The following SLC36A4 variants were observed in gnomAD, a reference collection of about 807,000 sequenced individuals.
The protein encoded by SLC36A4 is neutral amino acid uniporter 4.
A neutral mutation model predicts 50.5 loss-of-function variants in SLC36A4; 49 were observed. That is an observed-to-expected ratio of 0.97 (90% CI 0.77 to 1.23). The LOEUF (loss-of-function observed/expected upper bound fraction) is 1.23, where lower values mean the gene tolerates loss of function less well. SLC36A4 is among the 50% of genes most tolerant of loss of function. The pLI, the probability that SLC36A4 is intolerant of heterozygous loss-of-function variation, is 0.00. For missense variants in SLC36A4, 611 were observed against 608.4 expected (o/e 1.00, Z -0.05); for synonymous variants, 207 against 206.5 (o/e 1.00, Z -0.02).
At position 93,154,224 on chromosome 11, in the gene SLC36A4, G is replaced by C; in HGVS notation, c.1091C>G (p.Ser364Ter). Residue 364 changes from serine to a stop codon, truncating the protein, a stop_gained, in exon 10 of 11, where the codon TCA becomes TGA. Transcript: ENST00000326402. LOFTEE classifies it high-confidence loss of function. ...LYSFGIFVTY[S>*]IQFYVPAEII... ...CTCTGCTGGAACATAGAACTGAATT[G>C]AATATGTCACAAAAATGCCAAAGGA... is the stretch of plus-strand genomic sequence containing the variant. 3.3e-6 allele frequency: 5 copies of C among 1,516,778 alleles called. No homozygotes were observed. Among genetic ancestry groups the C allele is most frequent in the Middle Eastern group, 1.7e-4 (1 of 5,754 alleles). The allele number at this position is 1,516,778 out of a possible 1,614,324, so 94.0% of individuals were successfully genotyped here.
chr11:93,156,447 TCTCA>T lies in SLC36A4; in HGVS notation c.1038-2174_1038-2171del, dbSNP rs1232194236. ...TTTTTTCTTTTTTTTTGGGGTGGAG[TCTCA>T]CTCTGTTGCCCAGGCTGGAGTGCAG... On this transcript the variant is annotated intron_variant, in intron 9 of 10. Coordinates refer to ENST00000326402, the MANE Select transcript of SLC36A4 (RefSeq NM_152313.4). 3.3e-5 allele frequency among the ~76,000 whole-genome samples: 5 copies of T among 150,156 alleles called. No homozygotes were observed. The East Asian group carries it at 9.8e-4, about 29-fold the overall frequency.
intron 6 of SLC36A4, among the ~76,000 whole-genome samples, chr11:93,168,791 T>C (rs900097601): frequency 6.6e-6 from 1 of 152,074 alleles, no homozygotes; most frequent in African/African-American, 2.4e-5. Context: ...AGCAAAAACC[T>C]TCACAAGATA....
At chr11:93,180,253 A>G (rs947873738) in intron 6 of SLC36A4, 10 of 984,990 alleles carry the variant, frequency 1.0e-5, no homozygotes, top group African/African-American at 3.5e-5. Context: ...ATTTGTCCAA[A>G]TACACTGTCA....
intron 4 of SLC36A4, 52 bp from the exon 5 acceptor site, chr11:93,181,838 T>C (rs768518498): frequency 2.1e-6 from 3 of 1,429,510 alleles, no homozygotes; most frequent in African/African-American, 2.9e-5. Flanking sequence ...TTTAAGGTGG[T>C]CCATAAAACC....
chr11:93,197,727 C>A (rs750326777), intron 1 of SLC36A4, 51 bp downstream of exon 1: 4 of 1,560,756 alleles, frequency 2.6e-6, no homozygotes, highest in South Asian at 1.2e-5. Flanking sequence ...GACTCCCGCA[C>A]AGACCCCCGC....
intron 6 of SLC36A4, among the ~76,000 whole-genome samples, chr11:93,175,729 T>C (rs1413670109): frequency 1.7e-5 from 1 of 60,308 alleles, no homozygotes; most frequent in African/African-American, 5.3e-5. Flanking sequence ...CAGGAGCAGG[T>C]TGTTCAGTTT....
Position 93,148,438 on chromosome 11 carries a change from T to C in SLC36A4, c.*99A>G. 1.9e-6 allele frequency: 2 copies of C among 1,042,654 alleles called. No individual in the cohort carries two copies. Among genetic ancestry groups the C allele is most frequent in the Non-Finnish European group, 2.9e-6 (2 of 699,172 alleles). 64.6% of individuals were successfully genotyped at this position (1,042,654 alleles called of 1,614,324 possible). ...TAATATCGTGCCAAAGAAAACAGAG[T>C]TTGTTACCATTTTTATGTATATAGC... On this transcript the variant is annotated 3_prime_UTR_variant, in exon 11 of 11. Transcript: ENST00000326402.
chr11:93,167,817 T>C (rs1213896804), intron 7 of SLC36A4, 127 bp downstream of exon 7: 1 of 617,818 alleles, frequency 1.6e-6, no homozygotes, highest in Non-Finnish European at 2.9e-6. Flanking sequence ...CAACATTTAC[T>C]GATTGCACAC....
intron 6 of SLC36A4, among the ~76,000 whole-genome samples, chr11:93,175,034 C>T (rs538534733): frequency 2.8e-4 from 42 of 151,958 alleles, no homozygotes; most frequent in South Asian, 2.1e-3. Context: ...ACCAGTTCCT[C>T]CTTGTACCTC....
intron 9 of SLC36A4, among the ~76,000 whole-genome samples, chr11:93,157,468 A>G (rs918444186): frequency 2.0e-5 from 3 of 152,182 alleles, no homozygotes; most frequent in Non-Finnish European, 4.4e-5. Flanking sequence ...GATTCTTCCT[A>G]TCCATGAGCA....
rs1458390526 is a variant in SLC36A4 at position 93,145,721 on chromosome 11, TCA to T, written c.*2814_*2815del. ...CAACAAAATGCTGAAGTCATTTTAG[TCA>T]CAGTGTGATGATCCAAAAGTGATGA... On this transcript the variant is annotated 3_prime_UTR_variant, in exon 11 of 11. Coordinates refer to ENST00000326402, the MANE Select transcript of SLC36A4 (RefSeq NM_152313.4). The T allele has an allele frequency of 3.9e-5, 6 of 152,122 alleles. No homozygotes were observed. The highest frequency in any genetic ancestry group is 1.2e-4 in the African/African-American group (5 of 41,440). 9.4% of individuals were successfully genotyped at this position (152,122 alleles called of 1,614,324 possible). A position where few individuals can be genotyped will look rare whatever the true frequency, so the allele number is the denominator to read the frequency against.
At chr11:93,185,579 T>C (rs1400845250) in intron 2 of SLC36A4, 112 bp downstream of exon 2, 1 of 974,802 alleles carries the variant, frequency 1.0e-6, no homozygotes, top group African/African-American at 1.7e-5. Context: ...AGGTGGAGAC[T>C]ATGTCTTATA....
At chr11:93,193,368 G>T (rs1862293253) in intron 1 of SLC36A4, among the ~76,000 whole-genome samples, 2 of 152,088 alleles carry the variant, frequency 1.3e-5, no homozygotes, top group Admixed American at 6.5e-5. Context: ...TACACATAAT[G>T]TCTATTATTT....
intron 10 of SLC36A4, among the ~76,000 whole-genome samples, chr11:93,152,927 T>C (rs1261033854): frequency 6.6e-6 from 1 of 151,928 alleles, no homozygotes; most frequent in Non-Finnish European, 1.5e-5. Flanking sequence ...TTTTTCCTAC[T>C]GAATGTTTTT....
At chr11:93,163,658 T>C (rs1860730474) in intron 8 of SLC36A4, among the ~76,000 whole-genome samples, 1 of 152,120 alleles carries the variant, frequency 6.6e-6, no homozygotes, top group South Asian at 2.1e-4. Flanking sequence ...GTTACTTTTA[T>C]TCCCTCTCAT....
At chr11:93,174,582 G>C (rs1461045671) in intron 6 of SLC36A4, among the ~76,000 whole-genome samples, 37 of 148,058 alleles carry the variant, frequency 2.5e-4, no homozygotes, top group Admixed American at 6.8e-5. Flanking sequence ...TTGGCTGTGG[G>C]TTTGTCATAG....
intron 10 of SLC36A4, 69 bp from the exon 11 acceptor site, chr11:93,148,913 G>A (rs999899832): frequency 7.5e-7 from 1 of 1,330,362 alleles, no homozygotes; most frequent in Non-Finnish European, 1.0e-6. Context: ...TTAACAGTAA[G>A]TATTTTCAAT....
intron 10 of SLC36A4, chr11:93,152,773 T>TA (rs1860155879): frequency 6.6e-6 from 1 of 152,146 alleles, no homozygotes; most frequent in African/African-American, 2.4e-5. Context: ...TTACCAACTT[T>TA]AAAAGACGAT....
At chr11:93,183,541 G>T (rs1861833763) in intron 3 of SLC36A4, among the ~76,000 whole-genome samples, 1 of 151,924 alleles carries the variant, frequency 6.6e-6, no homozygotes, top group South Asian at 2.1e-4. Context: ...TTAGAAAGTG[G>T]TCTATTCAAA....
Sources: gnomAD v4.1 joint callset for allele counts (sites outside exome capture counted in the v4.1 genomes callset) on GRCh38, gnomAD v4.1.1 for gene constraint, MANE v1.5 for transcripts, NCBI Gene and HGNC (gene_info 2026-07-23, HGNC 2026-07-21) for gene names.